RPF2: variants seen among roughly 807,000 people sequenced by gnomAD.
RPF2 encodes brix domain containing 1.
A neutral mutation model predicts 38.9 loss-of-function variants in RPF2; 21 were observed. The observed-to-expected ratio is 0.54, with a 90% CI of 0.38 to 0.78. RPF2 has a LOEUF of 0.78. Ranked by LOEUF, RPF2 falls within the 30% of genes least tolerant of loss-of-function variation. RPF2 has a pLI of 0.00. For missense variants in RPF2, 314 were observed against 358.1 expected (o/e 0.88, Z 0.99); for synonymous variants, 121 against 126.2 (o/e 0.96, Z 0.28).
At chr6:111,022,892 T>C (rs1772258437) in intron 8 of RPF2, among the ~76,000 whole-genome samples, 1 of 152,210 alleles carries the variant, frequency 6.6e-6, no homozygotes, top group Admixed American at 6.5e-5. Flanking sequence ...ATGTCCCTGA[T>C]TTCTTTTTTT....
chr6:111,002,870 G>A (rs1448736481), intron 6 of RPF2, among the ~76,000 whole-genome samples: 1 of 151,546 alleles, frequency 6.6e-6, no homozygotes, highest in South Asian at 2.1e-4. Flanking sequence ...CCGGATTCAA[G>A]CAATTCTCCT....
chr6:111,017,890 G>A lies in RPF2; in HGVS notation c.596+2034G>A, dbSNP rs549314412. 2.9e-3 allele frequency among the ~76,000 whole-genome samples: 437 copies of A among 152,062 alleles called. 4 individuals carry two copies. The highest frequency in any genetic ancestry group is 9.3e-3 in the African/African-American group (387 of 41,472). On this transcript the variant is annotated intron_variant, in intron 8 of 9. Transcript: ENST00000441448. ...TGGGAGGTGGAGGTTGTAGCTAGCC[G>A]AGATCACGCCACTGCACTCCAGCCT...
chr6:110,985,065 A>G lies in RPF2; in HGVS notation c.83A>G (p.Glu28Gly), dbSNP rs1771501830. 1.2e-6 allele frequency: 2 copies of G among 1,613,444 alleles called. No individual in the cohort carries two copies. Among genetic ancestry groups the G allele is most frequent in the Non-Finnish European group, 1.7e-6 (2 of 1,179,782 alleles). ...FLEKREPKLN[E>G]NIKNAMLIKG... ...GAGAAGAGAGAACCGAAACTCAATG[A>G]AAATATTAAAAATGCCATGCTGATT... The change falls in exon 2 of 10, where the codon GAA becomes GGA. Residue 28 changes from glutamate to glycine, a missense_variant. Coordinates refer to ENST00000441448, the MANE Select transcript of RPF2 (RefSeq NM_032194.3).
At chr6:111,024,952 A>G (rs956628295) in intron 9 of RPF2, among the ~76,000 whole-genome samples, 2 of 152,342 alleles carry the variant, frequency 1.3e-5, no homozygotes, top group African/African-American at 2.4e-5. Flanking sequence ...AGTACAGGGT[A>G]TATAAACCAT....
intron 6 of RPF2, among the ~76,000 whole-genome samples, chr6:111,004,559 T>C (rs1771876326): frequency 6.6e-6 from 1 of 151,062 alleles, no homozygotes; most frequent in Admixed American, 6.6e-5. Context: ...GTTTTTTTTT[T>C]TTTGGAGACA....
chr6:111,017,185 T>C lies in RPF2; in HGVS notation c.596+1329T>C, dbSNP rs1583274139. Among the ~76,000 whole-genome samples the C allele has an allele frequency of 2.0e-5, 3 of 152,206 alleles. No homozygotes were observed. In the South Asian group the frequency reaches 6.2e-4, roughly 31 times the overall value. On this transcript the variant is annotated intron_variant, in intron 8 of 9. Transcript: ENST00000441448. ...CATCGTCATCATGGCCCGTTCTCAA[T>C]GAGCTGTTGGGTACACCTCCCAGAC...
chr6:110,994,200 G>A (rs916829604), intron 4 of RPF2, among the ~76,000 whole-genome samples: 10 of 151,722 alleles, frequency 6.6e-5, no homozygotes, highest in Non-Finnish European at 8.8e-5. Context: ...ACTTGAACCC[G>A]GGAGGTGGAG....
intron 1 of RPF2, 142 bp downstream of exon 1, chr6:110,982,271 C>T (rs1037509235): frequency 1.1e-6 from 1 of 891,828 alleles, no homozygotes; most frequent in Admixed American, 2.2e-5. Context: ...AGCCCGGGTC[C>T]TCCTCAGCGC....
chr6:110,986,332 C>T (rs908680072), intron 2 of RPF2, among the ~76,000 whole-genome samples: 2 of 152,128 alleles, frequency 1.3e-5, no homozygotes, highest in African/African-American at 4.8e-5. Flanking sequence ...GCCATTGCTG[C>T]CAGCTAGGTG....
chr6:110,992,180 C>T (rs1050316448), intron 4 of RPF2, among the ~76,000 whole-genome samples: 2 of 152,130 alleles, frequency 1.3e-5, no homozygotes, highest in Admixed American at 6.6e-5. Context: ...CGTGATGGCA[C>T]ATGCCTGTAA....
At chr6:111,003,802 A>G (rs1343540004) in intron 6 of RPF2, among the ~76,000 whole-genome samples, 2 of 152,074 alleles carry the variant, frequency 1.3e-5, no homozygotes, top group Non-Finnish European at 2.9e-5. Flanking sequence ...TAGCCTGGGT[A>G]ACAGAGTGAG....
chr6:110,999,427 C>T (rs954826890), intron 5 of RPF2, among the ~76,000 whole-genome samples: 2 of 152,088 alleles, frequency 1.3e-5, no homozygotes, highest in Admixed American at 6.6e-5. Flanking sequence ...TTGAGCCTGG[C>T]ATGCTCACTG....
At chr6:110,987,626 A>G (rs1771546036) in intron 2 of RPF2, among the ~76,000 whole-genome samples, 1 of 152,198 alleles carries the variant, frequency 6.6e-6, no homozygotes, top group Non-Finnish European at 1.5e-5. Context: ...AGAGGTGGCA[A>G]TGTTTATTAC....
chr6:111,002,861 C>T (rs1771834412), intron 6 of RPF2, among the ~76,000 whole-genome samples: 1 of 151,954 alleles, frequency 6.6e-6, no homozygotes, highest in African/African-American at 2.4e-5. Context: ...CTCTGCCTCC[C>T]GGATTCAAGC....
At chr6:111,002,825 G>A (rs2114319299) in intron 6 of RPF2, among the ~76,000 whole-genome samples, 1 of 151,606 alleles carries the variant, frequency 6.6e-6, no homozygotes, top group Non-Finnish European at 1.5e-5. Context: ...CAGGAGTACA[G>A]TGGCATGATC....
chr6:111,011,308 CTTT>C (rs113226329), intron 7 of RPF2, among the ~76,000 whole-genome samples: 1 of 88,262 alleles, frequency 1.1e-5, no homozygotes, highest in South Asian at 4.2e-4. Flanking sequence ...TTCTTTCTTT[CTTT>C]TTTTTTTTGA....
chr6:111,004,549 GTT>G lies in RPF2; in HGVS notation c.394-3477_394-3476del, dbSNP rs10617821. On this transcript the variant is annotated intron_variant, in intron 6 of 9. Coordinates refer to ENST00000441448, the MANE Select transcript of RPF2 (RefSeq NM_032194.3). ...AGTGCTGTATGTATTAAGTATTGGGGTTTTTTTTTTTTTGGAGACAGGGTCTT... is the reference window on the plus strand; with the variant it reads ...AGTGCTGTATGTATTAAGTATTGGGGTTTTTTTTTTTGGAGACAGGGTCTT... Among the ~76,000 whole-genome samples, 1,089 of 141,546 alleles carry G rather than the reference GTT, an allele frequency of 7.7e-3. 15 individuals carry two copies. Among genetic ancestry groups the G allele is most frequent in the African/African-American group, 0.027 (1,020 of 38,390 alleles). 92.9% of individuals were successfully genotyped at this position (141,546 alleles called of 152,430 possible).
At chr6:110,990,676 C>T in intron 3 of RPF2, among the ~76,000 whole-genome samples, 1 of 151,412 alleles carries the variant, frequency 6.6e-6, no homozygotes. Flanking sequence ...CCTCTGGCTC[C>T]TGGGTTCAAG....
At chr6:111,001,501 C>T (rs775287244) in intron 6 of RPF2, among the ~76,000 whole-genome samples, 3 of 152,084 alleles carry the variant, frequency 2.0e-5, no homozygotes, top group Non-Finnish European at 4.4e-5. Context: ...CCTCAGCCTC[C>T]CAGGTAACTG....
Sources: allele counts gnomAD v4.1 joint callset (sites outside exome capture counted in the v4.1 genomes callset), GRCh38; gene constraint gnomAD v4.1.1; transcripts MANE v1.5; gene names NCBI Gene and HGNC (gene_info 2026-07-23, HGNC 2026-07-21).